ZNF680: variants seen among roughly 807,000 people sequenced by gnomAD.
The protein encoded by ZNF680 is zinc finger protein 680, also known as hypothetical protein FLJ90430.
In ZNF680, 6 loss-of-function variants were observed where a neutral mutation model predicts 12.1. The ratio of observed to expected loss-of-function variants is 0.49; its 90% CI spans 0.27 to 0.98. The LOEUF (loss-of-function observed/expected upper bound fraction) is 0.98, where lower values mean the gene tolerates loss of function less well. Among genes scored for constraint, ZNF680 ranks in the 50% least tolerant of loss-of-function variants. The pLI, the probability that ZNF680 is intolerant of heterozygous loss-of-function variation, is 0.12. For synonymous variants in ZNF680, 170 were observed against 199.3 expected (o/e 0.85, Z 1.24); for missense variants, 561 against 616.3 (o/e 0.91, Z 0.95).
At chr7:64,556,077 T>G (rs1003468857) in intron 1 of ZNF680, among the ~76,000 whole-genome samples, 3 of 149,252 alleles carry the variant, frequency 2.0e-5, no homozygotes, top group Non-Finnish European at 4.5e-5. Flanking sequence ...AGGTGAAAAA[T>G]CTCTAAAACA....
At chr7:64,544,512 T>C in intron 1 of ZNF680, 80 bp from the exon 2 acceptor site, 1 of 1,544,820 alleles carries the variant, frequency 6.5e-7, no homozygotes, top group South Asian at 1.2e-5. Flanking sequence ...ATTTTTATTT[T>C]GGCTCAAGGC....
the ZNF680 span, among the ~76,000 whole-genome samples, chr7:64,499,114 GAATA>G: frequency 3.9e-4 from 59 of 152,172 alleles, no homozygotes; most frequent in Middle Eastern, 0.014. Flanking sequence ...TTTTTGGAAA[GAATA>G]AATACATTAA....
chr7:64,541,171 G>T (rs911021233), intron 3 of ZNF680, among the ~76,000 whole-genome samples: 2 of 151,940 alleles, frequency 1.3e-5, no homozygotes, highest in Admixed American at 1.3e-4. Flanking sequence ...TGCTTAAGTG[G>T]GTGAAAATCC....
intron 1 of ZNF680, among the ~76,000 whole-genome samples, chr7:64,551,336 C>T (rs963298712): frequency 2.6e-5 from 4 of 152,078 alleles, no homozygotes; most frequent in East Asian, 1.9e-4. Flanking sequence ...ACTCCCCAAG[C>T]GTTGGACTAC....
the ZNF680 span, among the ~76,000 whole-genome samples, chr7:64,499,390 A>G: frequency 2.6e-5 from 4 of 152,186 alleles, no homozygotes; most frequent in Non-Finnish European, 5.9e-5. Context: ...CTCCCTTTCT[A>G]GCCTCATGCA....
At chr7:64,519,553 T>A (rs1791428981), downstream of ZNF680, among the ~76,000 whole-genome samples, 1 of 151,836 alleles carries the variant, frequency 6.6e-6, no homozygotes, top group South Asian at 2.1e-4. Context: ...ATAGTCTATG[T>A]GCCTATTTGT....
In ZNF680 at chr7:64,521,374, T is replaced by C; in HGVS notation, c.1380A>G (p.Lys460=). ...TNHKVIHTGE[K]SYKCDECGNV... ...TGCCACATTCATCACATTTGTAGGATTTCTCTCCAGTATGAATTACTTTAT... is the reference window on the plus strand; with the variant it reads ...TGCCACATTCATCACATTTGTAGGACTTCTCTCCAGTATGAATTACTTTAT... Residue 460 remains lysine, a synonymous_variant, in exon 4 of 4, where the codon AAA becomes AAG. Coordinates refer to ENST00000309683, the MANE Select transcript of ZNF680 (RefSeq NM_178558.5). 1 of 1,613,664 alleles carries C rather than the reference T, an allele frequency of 6.2e-7. No individual in the cohort carries two copies. Among genetic ancestry groups the C allele is most frequent in the South Asian group, 1.1e-5 (1 of 91,058 alleles).
intron 3 of ZNF680, among the ~76,000 whole-genome samples, chr7:64,526,673 T>C (rs1327169185): frequency 2.0e-5 from 3 of 152,212 alleles, no homozygotes; most frequent in East Asian, 1.9e-4. Flanking sequence ...TGATGGAGCA[T>C]AAAACCTTTA....
intron 1 of ZNF680, among the ~76,000 whole-genome samples, chr7:64,560,096 T>C (rs137958279): frequency 1.5e-3 from 222 of 148,672 alleles, no homozygotes; most frequent in Non-Finnish European, 2.2e-3. Flanking sequence ...CTGGTGGAAA[T>C]GTATTCATTT....
chr7:64,517,103 A>ATTG (rs774427480), downstream of ZNF680, among the ~76,000 whole-genome samples: 7 of 152,052 alleles, frequency 4.6e-5, no homozygotes, highest in Non-Finnish European at 1.0e-4. Flanking sequence ...AAAGGAAACA[A>ATTG]CCTAGCTCAG....
the ZNF680 span, among the ~76,000 whole-genome samples, chr7:64,506,694 A>G: frequency 1.3e-5 from 2 of 152,188 alleles, no homozygotes; most frequent in African/African-American, 4.8e-5. Flanking sequence ...AAAATTTTTT[A>G]TTTAAAATGA....
At chr7:64,526,782 ATAT>A (rs908674122) in intron 3 of ZNF680, among the ~76,000 whole-genome samples, 1 of 152,216 alleles carries the variant, frequency 6.6e-6, no homozygotes, top group Non-Finnish European at 1.5e-5. Flanking sequence ...ACTGGAAAAC[ATAT>A]TAGTTTTTGC....
chr7:64,517,742 C>A (rs1791383981), downstream of ZNF680, among the ~76,000 whole-genome samples: 1 of 151,910 alleles, frequency 6.6e-6, no homozygotes, highest in Admixed American at 6.6e-5. Context: ...AGGTAATCCA[C>A]TATGATCAAG....
intron 1 of ZNF680, among the ~76,000 whole-genome samples, chr7:64,554,602 G>A (rs1374438342): frequency 1.3e-5 from 2 of 152,168 alleles, no homozygotes; most frequent in Non-Finnish European, 2.9e-5. Context: ...TCTGTGTGTG[G>A]AAAGAAGTGG....
intron 1 of ZNF680, among the ~76,000 whole-genome samples, chr7:64,561,706 G>A (rs113722384): frequency 0.22 from 33,974 of 151,378 alleles, 3,962 homozygotes; most frequent in South Asian, 0.28. Flanking sequence ...AGGCCGAGGC[G>A]GGTGGATTAC....
rs754475204 is a variant in ZNF680 at position 64,521,487 on chromosome 7, G to A, written c.1267C>T (p.Arg423Ter). Residue 423 changes from arginine to a stop codon, truncating the protein, a stop_gained, in exon 4 of 4, where the codon CGA (arginine) becomes TGA (stop). Transcript: ENST00000309683. LOFTEE classifies it low-confidence loss of function (END_TRUNC). ...KAFNGCSSLT[R>*]HKRIHTRENT... ...TCTCTAGTGTGAATTCTCTTATGTC[G>A]AGTAAGGCTGGAGCACCCATTAAAA... The A allele has an allele frequency of 1.7e-5, 28 of 1,605,120 alleles. No individual in the cohort carries two copies. In the African/African-American group the frequency reaches 1.8e-4, roughly 10 times the overall value.
chr7:64,550,207 T>C (rs537645080), intron 1 of ZNF680, among the ~76,000 whole-genome samples: 1 of 152,210 alleles, frequency 6.6e-6, no homozygotes, highest in African/African-American at 2.4e-5. Flanking sequence ...AAAAATAAAA[T>C]CGATTACTAA....
chr7:64,510,963 C>T, the ZNF680 span, among the ~76,000 whole-genome samples: 2 of 147,160 alleles, frequency 1.4e-5, no homozygotes, highest in African/African-American at 2.5e-5. Context: ...ATAAAACTCA[C>T]TTCCTAACTT....
chr7:64,529,361 A>G lies in ZNF680; in HGVS notation c.254-6861T>C, dbSNP rs375374287. Among the ~76,000 whole-genome samples, 4 of 152,370 alleles carry G rather than the reference A, an allele frequency of 2.6e-5. No individual in the cohort carries two copies. In the East Asian group the frequency reaches 7.7e-4, roughly 29 times the overall value. On this transcript the variant is annotated intron_variant, in intron 3 of 3. Transcript: ENST00000309683. Reference sequence around the variant, plus strand: ...ATTCAGGAGGTTAGTTATTAGGCTAATAAGAAAGGCATCAGAGAAAGGCGA... The same window carrying G: ...ATTCAGGAGGTTAGTTATTAGGCTAGTAAGAAAGGCATCAGAGAAAGGCGA...
Sources: gnomAD v4.1 joint callset for allele counts (sites outside exome capture counted in the v4.1 genomes callset) on GRCh38, gnomAD v4.1.1 for gene constraint, MANE v1.5 for transcripts, NCBI Gene and HGNC (gene_info 2026-07-23, HGNC 2026-07-21) for gene names.